STPG2: variants seen among roughly 807,000 people sequenced by gnomAD.
STPG2 encodes the protein sperm tail PG-rich repeat containing 2.
A neutral mutation model predicts 54.2 loss-of-function variants in STPG2; 56 were observed. That is an observed-to-expected ratio of 1.03 (90% CI 0.83 to 1.29). The LOEUF is 1.29. STPG2 is among the 50% of genes most tolerant of loss of function. The pLI is 0.00. For missense variants in STPG2, 596 were observed against 544.9 expected, an observed-to-expected ratio of 1.09 and a Z score of -0.93; for synonymous variants, 200 against 181.8, an observed-to-expected ratio of 1.10 and a Z score of -0.81.
chr4:97,819,983 T>A (rs1291512134), intron 9 of STPG2, among the ~76,000 whole-genome samples: 1 of 152,092 alleles, frequency 6.6e-6, no homozygotes, highest in Non-Finnish European at 1.5e-5. Flanking sequence ...TGTTTTTTTT[T>A]AAATTGAAGG....
chr4:97,822,029 C>T (rs900123626), intron 9 of STPG2, among the ~76,000 whole-genome samples: 1 of 152,208 alleles, frequency 6.6e-6, no homozygotes, highest in Non-Finnish European at 1.5e-5. Flanking sequence ...CCTAATAATG[C>T]TTTTTCTTTC....
chr4:97,789,073 T>C (rs1224199554), intron 9 of STPG2, among the ~76,000 whole-genome samples: 1 of 151,998 alleles, frequency 6.6e-6, no homozygotes, highest in Non-Finnish European at 1.5e-5. Context: ...GGAAAATCAC[T>C]GATTTTGAAG....
At chr4:97,787,827 T>C (rs1024621728) in intron 9 of STPG2, among the ~76,000 whole-genome samples, 1 of 151,978 alleles carries the variant, frequency 6.6e-6, no homozygotes, top group Non-Finnish European at 1.5e-5. Flanking sequence ...CAGTAACTTA[T>C]GTATCTTGAC....
chr4:98,009,054 TTTTG>T (rs75290142), intron 5 of STPG2, among the ~76,000 whole-genome samples: 59,443 of 151,324 alleles, frequency 0.39, 11,858 homozygotes, highest in Middle Eastern at 0.46. Context: ...GGTTTGTCAA[TTTTG>T]TTTATCTTTT....
At chr4:97,841,599 T>A (rs1164693277) in intron 8 of STPG2, among the ~76,000 whole-genome samples, 1 of 151,846 alleles carries the variant, frequency 6.6e-6, no homozygotes, top group Non-Finnish European at 1.5e-5. Context: ...AATTATAACA[T>A]ATTCCTTTGA....
chr4:97,722,277 T>C (rs1724474009), intron 9 of STPG2, among the ~76,000 whole-genome samples: 1 of 152,116 alleles, frequency 6.6e-6, no homozygotes, highest in South Asian at 2.1e-4. Flanking sequence ...GAGCCCTCAC[T>C]CATGTAATAT....
intron 7 of STPG2, among the ~76,000 whole-genome samples, chr4:97,954,776 T>C (rs1272328981): frequency 6.6e-6 from 1 of 152,174 alleles, no homozygotes; most frequent in East Asian, 1.9e-4. Context: ...AATAACATCA[T>C]TTAGAATCTT....
chr4:97,515,855 C>T (rs1218902111), intron 4 of STPG2, among the ~76,000 whole-genome samples: 1 of 151,988 alleles, frequency 6.6e-6, no homozygotes, highest in Admixed American at 6.6e-5. Context: ...TATGTACACA[C>T]ACACAGCACA....
chr4:97,614,598 T>C (rs903961223), intron 10 of STPG2, among the ~76,000 whole-genome samples: 1 of 152,138 alleles, frequency 6.6e-6, no homozygotes, highest in Non-Finnish European at 1.5e-5. Flanking sequence ...TCTTCACTCT[T>C]GACCAGTTAT....
At chr4:97,800,083 C>G (rs957465878) in intron 9 of STPG2, among the ~76,000 whole-genome samples, 2 of 152,194 alleles carry the variant, frequency 1.3e-5, no homozygotes, top group Non-Finnish European at 2.9e-5. Context: ...AGCCATTCAT[C>G]TAACCTTTTT....
At chr4:97,933,187 T>G (rs752336333) in intron 8 of STPG2, among the ~76,000 whole-genome samples, 17 of 152,214 alleles carry the variant, frequency 1.1e-4, no homozygotes, top group Non-Finnish European at 2.4e-4. Context: ...TCTCGGTTCA[T>G]GTCCTTTGCC....
chr4:97,854,800 A>T (rs1729279450), intron 8 of STPG2, among the ~76,000 whole-genome samples: 2 of 152,160 alleles, frequency 1.3e-5, no homozygotes, highest in Non-Finnish European at 2.9e-5. Context: ...TTTGTTACAT[A>T]GGTAAACAAG....
intron 4 of STPG2, among the ~76,000 whole-genome samples, chr4:97,443,950 A>G (rs1466162155): frequency 6.6e-6 from 1 of 152,196 alleles, no homozygotes; most frequent in African/African-American, 2.4e-5. Context: ...TGTTGGCAAG[A>G]TCAAGAATCT....
intron 4 of STPG2, among the ~76,000 whole-genome samples, chr4:97,544,173 T>A (rs1015560851): frequency 6.6e-6 from 1 of 152,116 alleles, no homozygotes; most frequent in African/African-American, 2.4e-5. Flanking sequence ...ATTATAAAGA[T>A]ACAATTCCAG....
chr4:97,671,127 C>T (rs1310966696), intron 10 of STPG2, among the ~76,000 whole-genome samples: 1 of 152,168 alleles, frequency 6.6e-6, no homozygotes, highest in South Asian at 2.1e-4. Context: ...ACAATAGATA[C>T]AATACCCCAA....
At chr4:97,478,672 AGTTT>A (rs1730138774) in intron 4 of STPG2, among the ~76,000 whole-genome samples, 1 of 152,014 alleles carries the variant, frequency 6.6e-6, no homozygotes, top group Non-Finnish European at 1.5e-5. Context: ...CTCTATGATA[AGTTT>A]GTTAGGTTTT....
At chr4:97,453,405 C>T (rs1304552676) in intron 4 of STPG2, among the ~76,000 whole-genome samples, 2 of 152,162 alleles carry the variant, frequency 1.3e-5, no homozygotes, top group Admixed American at 6.5e-5. Context: ...GGGATCCAGG[C>T]CAGTAGAGTG....
chr4:97,984,870 T>C (rs1031462846), intron 5 of STPG2, among the ~76,000 whole-genome samples: 1 of 152,108 alleles, frequency 6.6e-6, no homozygotes, highest in South Asian at 2.1e-4. Flanking sequence ...CCTGGAAACT[T>C]AACAATTGGG....
intron 5 of STPG2, among the ~76,000 whole-genome samples, chr4:97,996,277 A>G (rs1250633184): frequency 6.6e-6 from 1 of 152,206 alleles, no homozygotes; most frequent in Non-Finnish European, 1.5e-5. Context: ...GAGAGCCCAG[A>G]AAGAATGCTA....
Sources: allele counts gnomAD v4.1 joint callset (sites outside exome capture counted in the v4.1 genomes callset), GRCh38; gene constraint gnomAD v4.1.1; transcripts MANE v1.5; gene names NCBI Gene and HGNC (gene_info 2026-07-23, HGNC 2026-07-21).